Variants in SORCS3 observed in about 807,000 individuals in gnomAD.
SORCS3 encodes the protein sortilin related VPS10 domain containing receptor 3.
Under a neutral mutation model 146.3 loss-of-function variants are expected in SORCS3, and 57 were observed. That is an observed-to-expected ratio of 0.39 (90% CI 0.31 to 0.49). SORCS3 has a LOEUF of 0.49. SORCS3 is among the 20% of genes least tolerant of loss of function. SORCS3 has a pLI of 0.92. For synonymous variants in SORCS3, 653 were observed against 618.5 expected, an observed-to-expected ratio of 1.06 and a Z score of -0.83; for missense variants, 1,341 against 1,575.5, an observed-to-expected ratio of 0.85 and a Z score of 2.52.
At chr10:104,724,452 T>C (rs1470608535) in intron 1 of SORCS3, among the ~76,000 whole-genome samples, 1 of 152,176 alleles carries the variant, frequency 6.6e-6, no homozygotes, top group Non-Finnish European at 1.5e-5. Context: ...CAATTATGTG[T>C]CTTGGAGTTG....
At chr10:104,768,655 T>C (rs547595366) in intron 1 of SORCS3, among the ~76,000 whole-genome samples, 33 of 152,360 alleles carry the variant, frequency 2.2e-4, no homozygotes, top group African/African-American at 7.7e-4. Context: ...CTTGCAGTGC[T>C]TATTAGTGAT....
At chr10:104,666,065 T>C (rs1375409462) in intron 1 of SORCS3, 2 of 152,232 alleles carry the variant, frequency 1.3e-5, no homozygotes, top group Admixed American at 6.5e-5. Flanking sequence ...GTGAGGTCTA[T>C]TAAATCTGTT....
chr10:104,869,205 C>T (rs1589530146), intron 2 of SORCS3, among the ~76,000 whole-genome samples: 2 of 151,926 alleles, frequency 1.3e-5, no homozygotes, highest in South Asian at 4.2e-4. Flanking sequence ...TATATGTATT[C>T]AAAATTGGAT....
At chr10:105,248,434 G>A (rs541972159) in intron 22 of SORCS3, among the ~76,000 whole-genome samples, 1 of 152,250 alleles carries the variant, frequency 6.6e-6, no homozygotes, top group African/African-American at 2.4e-5. Context: ...TGAGCAGCAT[G>A]TTCAAAGTCA....
At chr10:104,735,381 T>G (rs548787757) in intron 1 of SORCS3, among the ~76,000 whole-genome samples, 1 of 151,812 alleles carries the variant, frequency 6.6e-6, no homozygotes, top group South Asian at 2.1e-4. Flanking sequence ...CTGTTCACTT[T>G]CAGGACTTTC....
Position 105,155,987 on chromosome 10 carries a change from A to C in SORCS3, c.1483-1151A>C, listed in dbSNP as rs567689728. Among the ~76,000 whole-genome samples the C allele has an allele frequency of 1.4e-4, 22 of 152,328 alleles. No homozygotes were observed. The South Asian group carries it at 3.9e-3, about 27-fold the overall frequency. ...GAAGACTTTTTATTTCGTCAATTAAATTATGTCATTTGAAAACAAAAAAAT... is the reference window on the plus strand; with the variant it reads ...GAAGACTTTTTATTTCGTCAATTAACTTATGTCATTTGAAAACAAAAAAAT... On this transcript the variant is annotated intron_variant, in intron 9 of 26. Transcript: ENST00000369701.
At chr10:104,888,210 G>A (rs1440556084) in intron 2 of SORCS3, among the ~76,000 whole-genome samples, 1 of 152,090 alleles carries the variant, frequency 6.6e-6, no homozygotes, top group African/African-American at 2.4e-5. Flanking sequence ...TCTTTTAAAC[G>A]ATTTTACTCT....
At chr10:104,866,605 C>T (rs928842187) in intron 2 of SORCS3, among the ~76,000 whole-genome samples, 2 of 152,178 alleles carry the variant, frequency 1.3e-5, no homozygotes, top group Non-Finnish European at 2.9e-5. Flanking sequence ...ACATTAATGT[C>T]CTCCATCTGG....
At chr10:104,843,690 G>A (rs1035988891) in intron 2 of SORCS3, among the ~76,000 whole-genome samples, 9 of 152,198 alleles carry the variant, frequency 5.9e-5, no homozygotes, top group African/African-American at 2.4e-5. Context: ...GGGAATGCCC[G>A]TGTGTTACAC....
chr10:105,211,322 A>G lies in SORCS3; in HGVS notation c.2375+72A>G. 3.0e-6 allele frequency: 3 copies of G among 1,003,804 alleles called. No individual in the cohort carries two copies. The South Asian group carries it at 4.0e-5, about 13-fold the overall frequency. The allele number at this position is 1,003,804 out of a possible 1,614,324, so 62.2% of individuals were successfully genotyped here. ...TCTAAACTAGGACCAAAGGAAATGC[A>G]TTGCTATTGAATACAATGGAGTGAA... On this transcript the variant is annotated intron_variant, in intron 17 of 26. Transcript: ENST00000369701.
At chr10:105,075,465 T>A (rs560970078) in intron 5 of SORCS3, among the ~76,000 whole-genome samples, 57 of 152,204 alleles carry the variant, frequency 3.7e-4, no homozygotes, top group African/African-American at 1.3e-3. Flanking sequence ...CCCTGTTCCA[T>A]CCTCTGGTCC....
chr10:105,194,685 T>C (rs2056534790), intron 14 of SORCS3, among the ~76,000 whole-genome samples: 1 of 152,164 alleles, frequency 6.6e-6, no homozygotes, highest in Non-Finnish European at 1.5e-5. Context: ...ATAGGTTCCG[T>C]AGGATACAGA....
At chr10:104,796,214 AG>A (rs2133504385) in intron 1 of SORCS3, among the ~76,000 whole-genome samples, 1 of 152,350 alleles carries the variant, frequency 6.6e-6, no homozygotes, top group African/African-American at 2.4e-5. Flanking sequence ...GATTTGTGAA[AG>A]CCTGTCCATG....
intron 3 of SORCS3, among the ~76,000 whole-genome samples, chr10:104,969,945 AC>A (rs60936667): frequency 0.015 from 2,352 of 152,240 alleles, 54 homozygotes; most frequent in African/African-American, 0.054. Flanking sequence ...GTATATTGTA[AC>A]TCACGGTATA....
chr10:105,119,212 A>C (rs2055913941), intron 7 of SORCS3, among the ~76,000 whole-genome samples: 1 of 152,206 alleles, frequency 6.6e-6, no homozygotes, highest in African/African-American at 2.4e-5. Context: ...TGCAAGTCTC[A>C]AGCCTTGGTG....
chr10:105,048,917 T>C (rs951164804), intron 5 of SORCS3, among the ~76,000 whole-genome samples: 12 of 152,144 alleles, frequency 7.9e-5, no homozygotes, highest in African/African-American at 2.9e-4. Flanking sequence ...TTTATAACCA[T>C]TTTTAATTTG....
At chr10:105,125,811 C>T (rs1044751817) in intron 7 of SORCS3, among the ~76,000 whole-genome samples, 6 of 152,088 alleles carry the variant, frequency 3.9e-5, no homozygotes, top group East Asian at 1.9e-4. Context: ...AGCGATGTGA[C>T]GTTTCTGAGT....
chr10:105,036,494 C>T (rs1172037541), intron 4 of SORCS3, among the ~76,000 whole-genome samples: 1 of 152,146 alleles, frequency 6.6e-6, no homozygotes, highest in East Asian at 1.9e-4. Context: ...AGCAGTGGCT[C>T]ACACCTGTAA....
At position 104,706,840 on chromosome 10, in the gene SORCS3, A is replaced by G. The variant is rs148536324; in HGVS notation, c.627+64886A>G. 1.2e-3 allele frequency among the ~76,000 whole-genome samples: 190 copies of G among 152,324 alleles called. 1 individual carries two copies. Among genetic ancestry groups the G allele is most frequent in the African/African-American group, 4.3e-3 (179 of 41,578 alleles). Reference sequence around the variant, plus strand: ...GTACATCTATAAGCTATAGGTCTATAATGACTTTTTCTTCTAAACGTGAGA... The same window carrying G: ...GTACATCTATAAGCTATAGGTCTATGATGACTTTTTCTTCTAAACGTGAGA... On this transcript the variant is annotated intron_variant, in intron 1 of 26. Coordinates refer to ENST00000369701, the MANE Select transcript of SORCS3 (RefSeq NM_014978.3).
Sources: gnomAD v4.1 joint callset for allele counts (sites outside exome capture counted in the v4.1 genomes callset) on GRCh38, gnomAD v4.1.1 for gene constraint, MANE v1.5 for transcripts, NCBI Gene and HGNC (gene_info 2026-07-23, HGNC 2026-07-21) for gene names.